Variants in RSRC1 observed in about 807,000 individuals in gnomAD.
RSRC1 encodes the protein arginine and serine rich coiled-coil 1, also known as serine/Arginine-related protein 53.
RSRC1 carries 39 observed loss-of-function variants against 49.1 expected under a neutral mutation model. The observed-to-expected ratio is 0.79, with a 90% CI of 0.61 to 1.04. The LOEUF (loss-of-function observed/expected upper bound fraction) is 1.04, where lower values mean the gene tolerates loss of function less well. Among genes scored for constraint, RSRC1 ranks in the 50% least tolerant of loss-of-function variants. The probability of loss-of-function intolerance (pLI) is 0.00; values close to 1 mark genes in which losing one functional copy is unlikely to be tolerated. For synonymous variants in RSRC1, 143 were observed against 130.8 expected (o/e 1.09, Z -0.63); for missense variants, 388 against 402.4 (o/e 0.96, Z 0.31).
At chr3:158,171,776 C>G (rs1718895313) in intron 3 of RSRC1, among the ~76,000 whole-genome samples, 1 of 151,932 alleles carries the variant, frequency 6.6e-6, no homozygotes. Flanking sequence ...ATAGACAGAT[C>G]CTGTATCTAC....
At chr3:158,470,647 T>C (rs760150689) in intron 7 of RSRC1, among the ~76,000 whole-genome samples, 6 of 152,128 alleles carry the variant, frequency 3.9e-5, no homozygotes, top group Non-Finnish European at 7.4e-5. Context: ...AAACCTTGAT[T>C]GTTTGTGCAA....
At chr3:158,146,929 A>T (rs1042081670) in intron 3 of RSRC1, among the ~76,000 whole-genome samples, 7 of 151,988 alleles carry the variant, frequency 4.6e-5, no homozygotes, top group Admixed American at 4.6e-4. Flanking sequence ...TTTTTTATTA[A>T]GAAAATTTCA....
At chr3:158,125,470 T>G (rs1224787781) in intron 3 of RSRC1, among the ~76,000 whole-genome samples, 1 of 152,212 alleles carries the variant, frequency 6.6e-6, no homozygotes, top group Non-Finnish European at 1.5e-5. Flanking sequence ...GATTTCTTCT[T>G]TGGTGTATTT....
intron 6 of RSRC1, among the ~76,000 whole-genome samples, chr3:158,386,569 C>G (rs1732977231): frequency 6.6e-6 from 1 of 151,984 alleles, no homozygotes; most frequent in Non-Finnish European, 1.5e-5. Context: ...GACCAACACA[C>G]TATTATTATG....
intron 5 of RSRC1, among the ~76,000 whole-genome samples, chr3:158,354,496 A>G (rs560120547): frequency 6.6e-6 from 1 of 152,344 alleles, no homozygotes; most frequent in East Asian, 1.9e-4. Flanking sequence ...AAAGGTTGCT[A>G]TTTAAATTCT....
At chr3:158,497,412 C>A (rs1480258616) in intron 7 of RSRC1, among the ~76,000 whole-genome samples, 1 of 145,506 alleles carries the variant, frequency 6.9e-6, no homozygotes, top group Admixed American at 6.9e-5. Flanking sequence ...TCCCACTCTT[C>A]CCCCCAAGTC....
At chr3:158,483,228 A>T (rs1738687582) in intron 7 of RSRC1, among the ~76,000 whole-genome samples, 2 of 152,068 alleles carry the variant, frequency 1.3e-5, no homozygotes, top group South Asian at 4.1e-4. Context: ...ACTGCATTAA[A>T]TTAGGTCTAT....
At chr3:158,231,605 T>C (rs1057013406) in intron 4 of RSRC1, among the ~76,000 whole-genome samples, 29 of 152,130 alleles carry the variant, frequency 1.9e-4, no homozygotes, top group African/African-American at 6.8e-4. Context: ...TTGGACAAGG[T>C]CTAATATGGT....
chr3:158,198,237 A>G (rs1390347437), intron 3 of RSRC1, among the ~76,000 whole-genome samples: 1 of 152,040 alleles, frequency 6.6e-6, no homozygotes, highest in Non-Finnish European at 1.5e-5. Flanking sequence ...TCCCTTTACC[A>G]TTATGTAATG....
intron 6 of RSRC1, among the ~76,000 whole-genome samples, chr3:158,360,791 G>A (rs1379560203): frequency 7.2e-5 from 11 of 152,210 alleles, no homozygotes; most frequent in African/African-American, 1.2e-4. Context: ...AGGGCAAGGC[G>A]GAGGTCTTCC....
intron 3 of RSRC1, among the ~76,000 whole-genome samples, chr3:158,190,555 T>C (rs1720178084): frequency 6.6e-6 from 1 of 151,162 alleles, no homozygotes; most frequent in Admixed American, 6.6e-5. Context: ...TTAAATAAAT[T>C]GGTTTTTTTT....
chr3:158,198,904 A>G (rs1007470854), intron 3 of RSRC1, among the ~76,000 whole-genome samples: 1 of 152,208 alleles, frequency 6.6e-6, no homozygotes, highest in Non-Finnish European at 1.5e-5. Flanking sequence ...GAGATGGACA[A>G]GGACAAATAT....
chr3:158,391,035 G>C (rs1321847098), intron 6 of RSRC1, among the ~76,000 whole-genome samples: 1 of 151,886 alleles, frequency 6.6e-6, no homozygotes, highest in African/African-American at 2.4e-5. Context: ...CTTCATGATA[G>C]AGCTACAATA....
intron 4 of RSRC1, among the ~76,000 whole-genome samples, chr3:158,271,526 A>G (rs764442632): frequency 7.9e-5 from 12 of 152,128 alleles, no homozygotes; most frequent in Non-Finnish European, 1.5e-4. Context: ...TAGTAGATGC[A>G]TGTAAGTCTT....
chr3:158,518,411 G>A (rs1395962851), intron 7 of RSRC1, among the ~76,000 whole-genome samples: 2 of 148,370 alleles, frequency 1.3e-5, no homozygotes, highest in Admixed American at 1.3e-4. Flanking sequence ...TTTCTTTATG[G>A]GTTAAAGGAC....
At chr3:158,280,079 A>T (rs1726056291) in intron 4 of RSRC1, among the ~76,000 whole-genome samples, 1 of 152,140 alleles carries the variant, frequency 6.6e-6, no homozygotes, top group African/African-American at 2.4e-5. Context: ...TAATCTTTTT[A>T]TTCTTGTCTT....
intron 5 of RSRC1, among the ~76,000 whole-genome samples, chr3:158,301,862 G>T (rs765134282): frequency 4.6e-5 from 7 of 151,982 alleles, no homozygotes; most frequent in South Asian, 2.1e-4. Flanking sequence ...ATACACAGTG[G>T]TATTCTCAGA....
intron 4 of RSRC1, among the ~76,000 whole-genome samples, chr3:158,286,731 A>G (rs1194534477): frequency 1.3e-5 from 2 of 152,112 alleles, no homozygotes; most frequent in Non-Finnish European, 2.9e-5. Context: ...CAGAAGTTAA[A>G]CAGAACAACA....
chr3:158,483,219 C>G (rs537647354), intron 7 of RSRC1, among the ~76,000 whole-genome samples: 1 of 152,138 alleles, frequency 6.6e-6, no homozygotes, highest in South Asian at 2.1e-4. Flanking sequence ...TGCTAATTTA[C>G]TGCATTAAAT....
Sources: allele counts gnomAD v4.1 joint callset (sites outside exome capture counted in the v4.1 genomes callset), GRCh38; gene constraint gnomAD v4.1.1; transcripts MANE v1.5; gene names NCBI Gene and HGNC (gene_info 2026-07-23, HGNC 2026-07-21).